Variants in MTARC2 observed in about 807,000 individuals in gnomAD.
The protein encoded by MTARC2 is MOCO sulphurase C-terminal domain containing 2.
In MTARC2, 27 loss-of-function variants were observed where a neutral mutation model predicts 35.6. The ratio of observed to expected loss-of-function variants is 0.76; its 90% CI spans 0.56 to 1.04. MTARC2 has a LOEUF of 1.04. Ranked by LOEUF, MTARC2 falls within the 50% of genes least tolerant of loss-of-function variation. MTARC2 has a pLI of 0.00. For synonymous variants in MTARC2, 158 were observed against 167.1 expected, an observed-to-expected ratio of 0.95 and a Z score of 0.42; for missense variants, 412 against 432.5, an observed-to-expected ratio of 0.95 and a Z score of 0.42.
At chr1:220,772,338 T>C (rs1251922438) in intron 4 of MTARC2, among the ~76,000 whole-genome samples, 1 of 152,222 alleles carries the variant, frequency 6.6e-6, no homozygotes, top group Admixed American at 6.5e-5. Context: ...TCCCTCAAGG[T>C]GAGCATAAGC....
intron 4 of MTARC2, among the ~76,000 whole-genome samples, chr1:220,770,173 C>CT (rs1475045065): frequency 1.3e-5 from 2 of 152,108 alleles, no homozygotes; most frequent in Admixed American, 1.3e-4. Context: ...TGTGTTCTAG[C>CT]TTTTTTGTAA....
chr1:220,756,218 G>A (rs1195817603), intron 2 of MTARC2: 2 of 152,218 alleles, frequency 1.3e-5, no homozygotes, highest in Non-Finnish European at 2.9e-5. Context: ...CTTGTCATGG[G>A]ATGAACTGGA....
At position 220,748,517 on chromosome 1, in the gene MTARC2, C is replaced by T. The variant is rs1335862586; in HGVS notation, c.-15C>T. 17 of 1,383,924 alleles carry T rather than the reference C, an allele frequency of 1.2e-5. No individual in the cohort carries two copies. The highest frequency in any genetic ancestry group is 1.6e-5 in the Non-Finnish European group (17 of 1,078,882). 85.7% of individuals were successfully genotyped at this position (1,383,924 alleles called of 1,614,324 possible). Reference sequence around the variant, plus strand: ...CCGGGTCTGTGCGCCGGTCCGCGCCCGCCCTCGCTCTGCCATGGGCGCTTC... The same window carrying T: ...CCGGGTCTGTGCGCCGGTCCGCGCCTGCCCTCGCTCTGCCATGGGCGCTTC... On this transcript the variant is annotated 5_prime_UTR_variant, in exon 1 of 8. Transcript: ENST00000366913.
intron 4 of MTARC2, among the ~76,000 whole-genome samples, chr1:220,775,901 C>T (rs1219658672): frequency 6.6e-6 from 1 of 152,152 alleles, no homozygotes; most frequent in Admixed American, 6.5e-5. Flanking sequence ...TGTATGTATA[C>T]CACATTTTCT....
At chr1:220,760,502 A>C (rs1671410833) in intron 2 of MTARC2, among the ~76,000 whole-genome samples, 1 of 152,220 alleles carries the variant, frequency 6.6e-6, no homozygotes, top group Non-Finnish European at 1.5e-5. Context: ...AAGAAAATTG[A>C]TACTGAACCT....
intron 6 of MTARC2, 24 bp from the exon 7 acceptor site, chr1:220,781,754 T>C: frequency 6.2e-7 from 1 of 1,613,482 alleles, no homozygotes; most frequent in Non-Finnish European, 8.5e-7. Flanking sequence ...TTGTGTCTGA[T>C]GATTGAATTT....
chr1:220,757,208 CTCT>C (rs2102546805), intron 2 of MTARC2, among the ~76,000 whole-genome samples: 1 of 152,356 alleles, frequency 6.6e-6, no homozygotes, highest in Admixed American at 6.5e-5. Flanking sequence ...AGCCTGAAGC[CTCT>C]TCTTATGTAA....
In MTARC2 at chr1:220,748,767, C is replaced by G; in HGVS notation, c.236C>G (p.Thr79Arg). The G allele has an allele frequency of 6.3e-7, 1 of 1,599,228 alleles. No homozygotes were observed. Among genetic ancestry groups the G allele is most frequent in the Non-Finnish European group, 8.5e-7 (1 of 1,173,364 alleles). ...GTGCCGGTGAGCGAGGCTGAGTGCACGGCCATGGGGCTGCGCAGCGGCAAC... is the reference window on the plus strand; with the variant it reads ...GTGCCGGTGAGCGAGGCTGAGTGCAGGGCCATGGGGCTGCGCAGCGGCAAC... The part of the protein sequence containing the change: ...KGVPVSEAEC[T>R]AMGLRSGNLR... Residue 79 changes from threonine (T) to arginine (R), a missense_variant, in exon 1 of 8, where the codon ACG becomes AGG. Thr to Arg is a moderately conservative substitution (Grantham distance 71). Transcript: ENST00000366913.
chr1:220,766,955 A>C (rs1194014226), intron 4 of MTARC2, among the ~76,000 whole-genome samples: 2 of 150,260 alleles, frequency 1.3e-5, no homozygotes, highest in Admixed American at 1.3e-4. Flanking sequence ...AGCCTTGGGC[A>C]ACATGGTGAA....
chr1:220,762,938 T>C lies in MTARC2; in HGVS notation c.638T>C (p.Leu213Pro). The change falls in exon 4 of 8, where the codon CTG becomes CCG. Residue 213 changes from leucine to proline, a missense_variant. Leu to Pro is a moderately conservative substitution (Grantham distance 98, BLOSUM62 -3). Transcript: ENST00000366913. The stretch of plus-strand genomic sequence containing the variant: ...GCCTACCCAGACTACTGCCCGCTCC[T>C]GATCATGACAGATGCCTCCCTGGTA... ...QVAYPDYCPL[L>P]IMTDASLVDL... 1 of 1,614,190 alleles carries C rather than the reference T, an allele frequency of 6.2e-7. No individual in the cohort carries two copies. The highest frequency in any genetic ancestry group is 1.1e-5 in the South Asian group (1 of 91,076).
intron 4 of MTARC2, chr1:220,770,666 C>A: frequency 1.5e-6 from 1 of 659,492 alleles, no homozygotes; most frequent in Non-Finnish European, 1.9e-6. Flanking sequence ...AGCAGTCCAG[C>A]ACAGCCCAGG....
chr1:220,748,526 T>C lies in MTARC2; in HGVS notation c.-6T>C. 1 of 1,396,308 alleles carries C rather than the reference T, an allele frequency of 7.2e-7. No individual in the cohort carries two copies. The highest frequency in any genetic ancestry group is 9.2e-7 in the Non-Finnish European group (1 of 1,084,748). The allele number at this position is 1,396,308 out of a possible 1,614,324, so 86.5% of individuals were successfully genotyped here. On this transcript the variant is annotated 5_prime_UTR_variant, in exon 1 of 8. Transcript: ENST00000366913. ...TGCGCCGGTCCGCGCCCGCCCTCGCTCTGCCATGGGCGCTTCCAGCTCCTC... is the reference window on the plus strand; with the variant it reads ...TGCGCCGGTCCGCGCCCGCCCTCGCCCTGCCATGGGCGCTTCCAGCTCCTC...
At chr1:220,755,500 A>C (rs72472376) in intron 2 of MTARC2, among the ~76,000 whole-genome samples, 3 of 152,226 alleles carry the variant, frequency 2.0e-5, no homozygotes, top group African/African-American at 7.2e-5. Context: ...AAGGGCTTTT[A>C]TTGTGGTTTC....
rs369288344 is a variant in MTARC2, at chr1:220,748,823, C to T, written c.272+20C>T. 5.1e-6 allele frequency: 8 copies of T among 1,554,870 alleles called. No homozygotes were observed. In the African/African-American group the frequency reaches 1.1e-4, roughly 22 times the overall value. ...GGACAGGTACAGCACAGCGCGGGCGCGGGGCAGCGCGGAGCCTGCCTGGGA... is the reference window on the plus strand; with the variant it reads ...GGACAGGTACAGCACAGCGCGGGCGTGGGGCAGCGCGGAGCCTGCCTGGGA... On this transcript the variant is annotated intron_variant, in intron 1 of 7. Coordinates refer to ENST00000366913, the MANE Select transcript of MTARC2 (RefSeq NM_017898.5).
chr1:220,751,006 A>G (rs1173521868), intron 1 of MTARC2, among the ~76,000 whole-genome samples: 1 of 152,194 alleles, frequency 6.6e-6, no homozygotes, highest in African/African-American at 2.4e-5. Context: ...ACTACATTTT[A>G]TTTATCAAAG....
chr1:220,779,010 G>A lies in MTARC2; in HGVS notation c.751-1008G>A, dbSNP rs1175328267. On this transcript the variant is annotated intron_variant, in intron 4 of 7. Transcript: ENST00000366913. The stretch of plus-strand genomic sequence containing the variant: ...AATTGCATCTTCATTTTGTCATGAA[G>A]GTTCCAGTGCCACGTAAAAGTTATA... Among the ~76,000 whole-genome samples the A allele has an allele frequency of 2.0e-5, 3 of 152,250 alleles. No homozygotes were observed. In the East Asian group the frequency reaches 5.8e-4, roughly 29 times the overall value.
chr1:220,748,586 T>C lies in MTARC2; in HGVS notation c.55T>C (p.Trp19Arg). Residue 19 changes from tryptophan to arginine, a missense_variant, in exon 1 of 8, where the codon TGG (tryptophan) becomes CGG (arginine). By Grantham distance (101) the Trp-to-Arg change is moderately radical. Transcript: ENST00000366913. ...LARLGLPARP[W>R]PRWLGVAALG... ...CCGCCTCGGCCTCCCAGCCCGGCCCTGGCCCAGGTGGCTCGGGGTCGCCGC... is the reference window on the plus strand; with the variant it reads ...CCGCCTCGGCCTCCCAGCCCGGCCCCGGCCCAGGTGGCTCGGGGTCGCCGC... The C allele has an allele frequency of 6.9e-7, 1 of 1,453,470 alleles. No homozygotes were observed. The highest frequency in any genetic ancestry group is 1.4e-5 in the South Asian group (1 of 72,856). The allele number at this position is 1,453,470 out of a possible 1,614,324, so 90.0% of individuals were successfully genotyped here.
intron 7 of MTARC2, among the ~76,000 whole-genome samples, chr1:220,782,558 T>C (rs182884580): frequency 1.8e-3 from 275 of 152,340 alleles, no homozygotes; most frequent in African/African-American, 5.1e-3. Context: ...GGACCTCAAA[T>C]TGGAGATTTT....
chr1:220,752,268 A>G (rs1361636986), intron 1 of MTARC2, among the ~76,000 whole-genome samples: 1 of 151,990 alleles, frequency 6.6e-6, no homozygotes, highest in Non-Finnish European at 1.5e-5. Context: ...CAGGTTTGCC[A>G]CTCCTGTTTG....
Sources: allele counts gnomAD v4.1 joint callset (sites outside exome capture counted in the v4.1 genomes callset), GRCh38; gene constraint gnomAD v4.1.1; transcripts MANE v1.5; gene names NCBI Gene and HGNC (gene_info 2026-07-23, HGNC 2026-07-21).